The following FOXP1 variants were observed in gnomAD, a reference collection of about 807,000 sequenced individuals.
The protein encoded by FOXP1 is forkhead box P1, also known as forkhead box protein P1.
Under a neutral mutation model 98.2 loss-of-function variants are expected in FOXP1, and 15 were observed. The observed-to-expected ratio is 0.15, with a 90% confidence interval of 0.10 to 0.24. The LOEUF (loss-of-function observed/expected upper bound fraction) is 0.24. Among genes scored for constraint, FOXP1 ranks in the 10% least tolerant of loss-of-function variants. The pLI, the probability that FOXP1 is intolerant of heterozygous loss-of-function variation, is 1.00. For synonymous variants in FOXP1, 371 were observed against 314.5 expected (o/e 1.18, Z -1.90); for missense variants, 633 against 848.5 (o/e 0.75, Z 3.15).
At chr3:71,092,937 A>T (rs754962135) in intron 7 of FOXP1, among the ~76,000 whole-genome samples, 4 of 152,214 alleles carry the variant, frequency 2.6e-5, no homozygotes, top group Non-Finnish European at 5.9e-5. Flanking sequence ...TTGATTTTTC[A>T]TCAGGAAGAC....
chr3:70,964,991 G>A (rs567321509), intron 20 of FOXP1, among the ~76,000 whole-genome samples: 23 of 152,166 alleles, frequency 1.5e-4, no homozygotes, highest in Non-Finnish European at 3.2e-4. Context: ...CAGAAGTAAT[G>A]TGTAGACAAG....
chr3:71,492,886 T>C (rs2091160485), intron 3 of FOXP1, among the ~76,000 whole-genome samples: 1 of 152,104 alleles, frequency 6.6e-6, no homozygotes, highest in Non-Finnish European at 1.5e-5. Context: ...CCCTAAAAAG[T>C]CAATGAATAA....
chr3:71,423,379 A>C (rs1157551993), intron 3 of FOXP1, among the ~76,000 whole-genome samples: 2 of 152,182 alleles, frequency 1.3e-5, no homozygotes, highest in Non-Finnish European at 2.9e-5. Flanking sequence ...CATCCTAGTC[A>C]CAGGCCCTGA....
At chr3:71,390,092 G>C (rs1411409913) in intron 3 of FOXP1, among the ~76,000 whole-genome samples, 1 of 152,172 alleles carries the variant, frequency 6.6e-6, no homozygotes. Flanking sequence ...GGAGCAGCTG[G>C]AGAGGACTGC....
intron 4 of FOXP1, among the ~76,000 whole-genome samples, chr3:71,355,519 G>C (rs975511035): frequency 5.3e-5 from 8 of 152,166 alleles, no homozygotes; most frequent in African/African-American, 1.7e-4. Context: ...GGGAGGCATG[G>C]AAGGTATCCC....
chr3:71,366,048 G>T (rs2078909622), intron 3 of FOXP1, among the ~76,000 whole-genome samples: 4 of 152,140 alleles, frequency 2.6e-5, no homozygotes. Flanking sequence ...CATGTCCAGT[G>T]ATAGAATATG....
intron 2 of FOXP1, among the ~76,000 whole-genome samples, chr3:71,567,533 T>A (rs924158945): frequency 1.3e-5 from 2 of 152,204 alleles, no homozygotes; most frequent in Non-Finnish European, 2.9e-5. Context: ...AAAAATCCAC[T>A]CTTGGCTTCA....
chr3:71,449,407 G>C (rs552608402), intron 3 of FOXP1, among the ~76,000 whole-genome samples: 1 of 152,240 alleles, frequency 6.6e-6, no homozygotes, highest in South Asian at 2.1e-4. Context: ...TCATGCATTT[G>C]TGTGTGTGTG....
intron 5 of FOXP1, among the ~76,000 whole-genome samples, chr3:71,290,826 G>A (rs982851570): frequency 3.9e-5 from 6 of 152,134 alleles, no homozygotes; most frequent in Non-Finnish European, 8.8e-5. Flanking sequence ...TGGGGTTAAG[G>A]ATGCTTAGCT....
chr3:71,453,352 G>A (rs2087139751), intron 3 of FOXP1, among the ~76,000 whole-genome samples: 1 of 152,066 alleles, frequency 6.6e-6, no homozygotes, highest in African/African-American at 2.4e-5. Context: ...CTAGGCAAAG[G>A]AGTACTTGGT....
intron 7 of FOXP1, among the ~76,000 whole-genome samples, chr3:71,059,481 G>A (rs959974228): frequency 6.6e-6 from 1 of 152,076 alleles, no homozygotes; most frequent in South Asian, 2.1e-4. Flanking sequence ...AAAATGTAAA[G>A]TTTACATAAA....
chr3:71,108,222 A>G (rs962901068), intron 7 of FOXP1, among the ~76,000 whole-genome samples: 5 of 152,204 alleles, frequency 3.3e-5, no homozygotes, highest in Non-Finnish European at 7.3e-5. Context: ...TTAGGAGAAA[A>G]TGTGTCATTT....
At chr3:71,196,479 C>G (rs753222295) in intron 6 of FOXP1, among the ~76,000 whole-genome samples, 1 of 152,042 alleles carries the variant, frequency 6.6e-6, no homozygotes, top group African/African-American at 2.4e-5. Flanking sequence ...CAAAAAAAAT[C>G]AGAATTTCCC....
chr3:71,095,397 T>C (rs1223489646), intron 7 of FOXP1, among the ~76,000 whole-genome samples: 2 of 152,268 alleles, frequency 1.3e-5, no homozygotes, highest in East Asian at 3.9e-4. Context: ...CATCAATTAA[T>C]GGCCCCAAAA....
chr3:71,496,539 T>C (rs997002265), intron 2 of FOXP1, among the ~76,000 whole-genome samples: 3 of 152,084 alleles, frequency 2.0e-5, no homozygotes, highest in Non-Finnish European at 4.4e-5. Flanking sequence ...ATACTCTATG[T>C]GGCCGGCCAC....
rs372403441 is a variant in FOXP1 at position 70,977,688 on chromosome 3, G to A, written c.1383C>T (p.Asn461=). ...DIAQNQEFYK[N]AEVRPPFTYA... is the part of the protein sequence containing the mutation. ...ATGTAAATGGTGGTCTAACTTCTGC[G>A]TTCTTATAAAATTCTTGGTTCTGCG... The change falls in exon 16 of 21, where the codon AAC becomes AAT. Residue 461 remains asparagine (N), a synonymous_variant. Coordinates refer to ENST00000649528, the MANE Select transcript of FOXP1 (RefSeq NM_001349338.3). 46 of 1,614,048 alleles carry A rather than the reference G, an allele frequency of 2.8e-5. No homozygotes were observed. The highest frequency in any genetic ancestry group is 1.6e-4 in the African/African-American group (12 of 75,022).
intron 5 of FOXP1, among the ~76,000 whole-genome samples, chr3:71,249,100 G>T (rs1182029692): frequency 6.6e-6 from 1 of 152,248 alleles, no homozygotes; most frequent in Non-Finnish European, 1.5e-5. Context: ...TTGGAGGAAA[G>T]AAAATAACTG....
At position 71,575,456 on chromosome 3, in the gene FOXP1, TAC is replaced by T. The variant is rs141932734; in HGVS notation, c.-298+6091_-298+6092del. On this transcript the variant is annotated intron_variant, in intron 2 of 20. Coordinates refer to ENST00000649528, the MANE Select transcript of FOXP1 (RefSeq NM_001349338.3). ...TTTTAATAACCTACACACACACACA[TAC>T]ACACACACACACACAGATACAGAGG... Among the ~76,000 whole-genome samples the T allele has an allele frequency of 1.5e-3, 231 of 149,220 alleles. 1 individual carries two copies. The highest frequency in any genetic ancestry group is 4.7e-3 in the African/African-American group (191 of 41,000).
intron 6 of FOXP1, among the ~76,000 whole-genome samples, chr3:71,164,338 T>C (rs1415534518): frequency 2.0e-5 from 3 of 152,148 alleles, no homozygotes; most frequent in Non-Finnish European, 4.4e-5. Flanking sequence ...TAGCTGGGAC[T>C]ACAGGCGCCC....
Sources: gnomAD v4.1 joint callset for allele counts (sites outside exome capture counted in the v4.1 genomes callset) on GRCh38, gnomAD v4.1.1 for gene constraint, MANE v1.5 for transcripts, NCBI Gene and HGNC (gene_info 2026-07-23, HGNC 2026-07-21) for gene names.